The following SNX27 variants were observed in gnomAD, a reference collection of about 807,000 sequenced individuals.
SNX27 encodes sorting nexin-27.
SNX27 carries 22 observed loss-of-function variants against 71.6 expected under a neutral mutation model. The ratio of observed to expected loss-of-function variants is 0.31; its 90% CI spans 0.22 to 0.44. The LOEUF (loss-of-function observed/expected upper bound fraction) is 0.44. Ranked by LOEUF, SNX27 falls within the 20% of genes least tolerant of loss-of-function variation. The pLI is 1.00. For missense variants in SNX27, 531 were observed against 698.6 expected, an observed-to-expected ratio of 0.76 and a Z score of 2.70; for synonymous variants, 269 against 277.2, an observed-to-expected ratio of 0.97 and a Z score of 0.29.
chr1:151,638,793 C>A, intron 1 of SNX27, 95 bp from the exon 2 acceptor site: 1 of 1,086,510 alleles, frequency 9.2e-7, no homozygotes, highest in Non-Finnish European at 1.4e-6. Flanking sequence ...ATGGTTCATA[C>A]CGTGTGACAC....
chr1:151,648,063 T>C (rs1669138314), intron 2 of SNX27, among the ~76,000 whole-genome samples: 1 of 152,184 alleles, frequency 6.6e-6, no homozygotes, highest in African/African-American at 2.4e-5. Context: ...GTTTTTTGTT[T>C]TTGTTTTTTG....
rs1671895984 is a variant in SNX27 at position 151,698,637 on chromosome 1, C to G, written c.*4220C>G. On this transcript the variant is annotated 3_prime_UTR_variant, in exon 12 of 12. Transcript: ENST00000458013. ...TTCCCCTAAACCTGAGCACATCACG[C>G]CAGGCCTCTTTGCTGCCAGGACAGC... 1 of 152,378 alleles carries G rather than the reference C, an allele frequency of 6.6e-6. No individual in the cohort carries two copies. The highest frequency in any genetic ancestry group is 1.5e-5 in the Non-Finnish European group (1 of 68,124). The allele number at this position is 152,378 out of a possible 1,614,324, so 9.4% of individuals were successfully genotyped here.
chr1:151,651,279 G>T (rs1669338396), intron 2 of SNX27, among the ~76,000 whole-genome samples: 1 of 150,780 alleles, frequency 6.6e-6, no homozygotes, highest in African/African-American at 2.4e-5. Context: ...CTGGCGGGAG[G>T]CTGACCCCCC....
Position 151,696,838 on chromosome 1 carries a change from C to T in SNX27, c.*2421C>T, listed in dbSNP as rs1187398227. ...CTAATTTTTTGTATTTTTGGTAGGG[C>T]GGGGTTTCACCATGATGGCCAGGTT... On this transcript the variant is annotated 3_prime_UTR_variant, in exon 12 of 12. Coordinates refer to ENST00000458013, the MANE Select transcript of SNX27 (RefSeq NM_001330723.2). 1 of 151,818 alleles carries T rather than the reference C, an allele frequency of 6.6e-6. No homozygotes were observed. Among genetic ancestry groups the T allele is most frequent in the East Asian group, 1.9e-4 (1 of 5,170 alleles). 9.4% of individuals were successfully genotyped at this position (151,818 alleles called of 1,614,324 possible).
intron 5 of SNX27, among the ~76,000 whole-genome samples, chr1:151,663,023 A>G (rs1018575165): frequency 2.0e-5 from 3 of 152,146 alleles, no homozygotes; most frequent in Non-Finnish European, 4.4e-5. Flanking sequence ...AACCTTAAAA[A>G]TTAGCACTAT....
intron 2 of SNX27, among the ~76,000 whole-genome samples, chr1:151,642,629 T>G (rs1373556675): frequency 6.6e-6 from 1 of 151,872 alleles, no homozygotes; most frequent in Admixed American, 6.6e-5. Context: ...AACTTTATTA[T>G]TATTTATTTA....
chr1:151,625,480 T>C (rs1159170202), intron 1 of SNX27, among the ~76,000 whole-genome samples: 4 of 149,384 alleles, frequency 2.7e-5, no homozygotes, highest in African/African-American at 9.9e-5. Context: ...CACTCCAGCC[T>C]GGGTGACAGA....
intron 8 of SNX27, 52 bp downstream of exon 8, chr1:151,683,497 A>G: frequency 3.7e-6 from 5 of 1,353,576 alleles, no homozygotes; most frequent in Non-Finnish European, 5.2e-6. Context: ...CTACCTTTAA[A>G]ACCTATAGTC....
intron 2 of SNX27, among the ~76,000 whole-genome samples, chr1:151,639,323 A>G (rs1668614409): frequency 6.6e-6 from 1 of 151,352 alleles, no homozygotes; most frequent in Non-Finnish European, 1.5e-5. Context: ...AGTCCTACTC[A>G]GCTTGAGTAT....
chr1:151,668,742 G>A, intron 7 of SNX27, 107 bp downstream of exon 7: 2 of 908,274 alleles, frequency 2.2e-6, no homozygotes, highest in Non-Finnish European at 3.2e-6. Context: ...TTTGCTCCTG[G>A]GTCTGAATTA....
intron 1 of SNX27, among the ~76,000 whole-genome samples, chr1:151,617,664 C>A (rs1162278340): frequency 1.3e-5 from 2 of 152,188 alleles, no homozygotes; most frequent in African/African-American, 4.8e-5. Context: ...GCAGGGACTA[C>A]ATCAAATACT....
intron 9 of SNX27, 67 bp downstream of exon 9, chr1:151,692,651 C>A: frequency 6.4e-7 from 1 of 1,563,388 alleles, no homozygotes; most frequent in Non-Finnish European, 8.7e-7. Context: ...TTGCTTGTGA[C>A]GTTTTAATTC....
chr1:151,621,858 T>C (rs1300828355), intron 1 of SNX27, among the ~76,000 whole-genome samples: 1 of 152,218 alleles, frequency 6.6e-6, no homozygotes, highest in African/African-American at 2.4e-5. Flanking sequence ...GCTGATCAGT[T>C]TAATCATCTA....
At chr1:151,651,284 C>T (rs1378562475) in intron 2 of SNX27, among the ~76,000 whole-genome samples, 1 of 149,748 alleles carries the variant, frequency 6.7e-6, no homozygotes, top group Non-Finnish European at 1.5e-5. Context: ...GGGAGGCTGA[C>T]CCCCCTACCT....
chr1:151,641,640 CAT>C (rs1181862381), intron 2 of SNX27, among the ~76,000 whole-genome samples: 102 of 80,058 alleles, frequency 1.3e-3, no homozygotes, highest in African/African-American at 3.9e-3. Flanking sequence ...TCATATGTAT[CAT>C]ATATATATCA....
In SNX27 at chr1:151,646,656, T is replaced by G. The variant is rs143249592; in HGVS notation, c.543+7537T>G. 4.0e-3 allele frequency among the ~76,000 whole-genome samples: 600 copies of G among 148,248 alleles called. 7 individuals are homozygous for G. The highest frequency in any genetic ancestry group is 0.014 in the African/African-American group (575 of 40,856). On this transcript the variant is annotated intron_variant, in intron 2 of 11. Transcript: ENST00000458013. ...ATAACACTGTATATAGGTAAGTATATCTAATATATCTAATTTTATAATATA... is the reference window on the plus strand; with the variant it reads ...ATAACACTGTATATAGGTAAGTATAGCTAATATATCTAATTTTATAATATA...
chr1:151,616,178 A>G (rs1228533612), intron 1 of SNX27, among the ~76,000 whole-genome samples: 1 of 152,234 alleles, frequency 6.6e-6, no homozygotes, highest in East Asian at 1.9e-4. Context: ...TGCTTTCAAC[A>G]AACAGAACCA....
intron 8 of SNX27, among the ~76,000 whole-genome samples, chr1:151,688,257 T>G (rs934014839): frequency 6.6e-6 from 1 of 152,128 alleles, no homozygotes; most frequent in African/African-American, 2.4e-5. Context: ...AAGTGGGAAG[T>G]CCCTGAAAGG....
chr1:151,640,045 C>G (rs939176004), intron 2 of SNX27, among the ~76,000 whole-genome samples: 3 of 152,148 alleles, frequency 2.0e-5, no homozygotes, highest in Admixed American at 2.0e-4. Context: ...ATGGTAAATT[C>G]TTTTTAGTGA....
Sources: allele counts gnomAD v4.1 joint callset (sites outside exome capture counted in the v4.1 genomes callset), GRCh38; gene constraint gnomAD v4.1.1; transcripts MANE v1.5; gene names NCBI Gene and HGNC (gene_info 2026-07-23, HGNC 2026-07-21).